The following PTK7 variants were observed in gnomAD, a reference collection of about 807,000 sequenced individuals.
PTK7 encodes inactive tyrosine-protein kinase 7.
PTK7 carries 39 observed loss-of-function variants against 116.6 expected under a neutral mutation model. The observed-to-expected ratio is 0.33, with a 90% CI of 0.26 to 0.44. The LOEUF (loss-of-function observed/expected upper bound fraction) is 0.44. PTK7 is among the 20% of genes least tolerant of loss of function. The probability of loss-of-function intolerance (pLI) is 1.00; values close to 1 mark genes in which losing one functional copy is unlikely to be tolerated. For missense variants in PTK7, 1,169 were observed against 1,425.6 expected, an observed-to-expected ratio of 0.82 and a Z score of 2.90; for synonymous variants, 546 against 563.6, an observed-to-expected ratio of 0.97 and a Z score of 0.44.
chr6:43,157,969 A>G (rs1345994427), intron 17 of PTK7, among the ~76,000 whole-genome samples: 1 of 151,868 alleles, frequency 6.6e-6, no homozygotes, highest in Non-Finnish European at 1.5e-5. Flanking sequence ...CAGGTGATCC[A>G]CCTGCCTTGG....
intron 1 of PTK7, among the ~76,000 whole-genome samples, chr6:43,115,193 T>C (rs1183993186): frequency 6.6e-6 from 1 of 151,880 alleles, no homozygotes; most frequent in Non-Finnish European, 1.5e-5. Context: ...TCTAAACAGC[T>C]GATTTTTTTT....
chr6:43,119,885 A>G (rs538875465), intron 1 of PTK7, among the ~76,000 whole-genome samples: 13 of 152,230 alleles, frequency 8.5e-5, no homozygotes, highest in East Asian at 3.9e-4. Flanking sequence ...CCCCTTGGCA[A>G]TTCTGTTCCA....
At chr6:43,108,260 A>G (rs1335152551) in intron 1 of PTK7, among the ~76,000 whole-genome samples, 1 of 151,622 alleles carries the variant, frequency 6.6e-6, no homozygotes, top group East Asian at 1.9e-4. Context: ...ATGCCTGGCT[A>G]ATTTTTGTAT....
At position 43,101,283 on chromosome 6, in the gene PTK7, T is replaced by C. The variant is rs532859825; in HGVS notation, c.79+24716T>C. ...GTGGAAAGAAAGAGGCTGGGCGCGG[T>C]GGCTCACGCCTGTAATCCCAGCACT... On this transcript the variant is annotated intron_variant, in intron 1 of 19. Coordinates refer to ENST00000230419, the MANE Select transcript of PTK7 (RefSeq NM_002821.5). Among the ~76,000 whole-genome samples, 498 of 150,672 alleles carry C rather than the reference T, an allele frequency of 3.3e-3. 2 individuals carry two copies. The highest frequency in any genetic ancestry group is 0.011 in the African/African-American group (466 of 41,010).
intron 1 of PTK7, among the ~76,000 whole-genome samples, chr6:43,114,587 C>T (rs1289993553): frequency 6.6e-6 from 1 of 151,976 alleles, no homozygotes; most frequent in East Asian, 1.9e-4. Flanking sequence ...ACTGAAAGAT[C>T]AAGGGAGTAG....
chr6:43,142,520 T>TGTGTGTG, intron 13 of PTK7: 2 of 710,320 alleles, frequency 2.8e-6, no homozygotes, highest in East Asian at 3.0e-5. Flanking sequence ...TGTGTGTGTG[T>TGTGTGTG]TGTGGGGGAG....
chr6:43,156,135 A>G (rs1414331210), intron 17 of PTK7, among the ~76,000 whole-genome samples: 1 of 148,870 alleles, frequency 6.7e-6, no homozygotes. Context: ...AGGCTGAGGC[A>G]CGAGAGTCAC....
At chr6:43,090,949 G>C (rs979329467) in intron 1 of PTK7, among the ~76,000 whole-genome samples, 1 of 152,066 alleles carries the variant, frequency 6.6e-6, no homozygotes, top group African/African-American at 2.4e-5. Flanking sequence ...GAAAGACCCT[G>C]ATTTTAGGGA....
chr6:43,096,990 A>AG (rs1404311882), intron 1 of PTK7, among the ~76,000 whole-genome samples: 2 of 152,236 alleles, frequency 1.3e-5, no homozygotes. Context: ...GCTCATTCAA[A>AG]GCTTGCTTAA....
chr6:43,093,919 C>G (rs1426880228), intron 1 of PTK7, among the ~76,000 whole-genome samples: 1 of 152,202 alleles, frequency 6.6e-6, no homozygotes, highest in East Asian at 1.9e-4. Flanking sequence ...CTGGCCACTT[C>G]ATGCAAATGT....
chr6:43,132,751 A>G (rs1469833920), intron 7 of PTK7, 64 bp downstream of exon 7: 7 of 1,547,898 alleles, frequency 4.5e-6, no homozygotes, highest in Non-Finnish European at 6.1e-6. Context: ...GGTGTGATGG[A>G]CAGAGGCTTC....
chr6:43,132,517 G>A lies in PTK7; in HGVS notation c.1058G>A (p.Ser353Asn). 7.4e-6 allele frequency: 12 copies of A among 1,612,698 alleles called. No individual in the cohort carries two copies. The highest frequency in any genetic ancestry group is 1.0e-5 in the Non-Finnish European group (12 of 1,179,064). ...CCCCCCAAGGGTCTGCCAGAGCCCAGCGTGTGGTGGGAGCACGCGGGAGTC... is the reference window on the plus strand; with the variant it reads ...CCCCCCAAGGGTCTGCCAGAGCCCAACGTGTGGTGGGAGCACGCGGGAGTC... Reference protein sequence around the residue: ...CLPPKGLPEPSVWWEHAGVRL... With the variant: ...CLPPKGLPEPNVWWEHAGVRL... Residue 353 changes from serine to asparagine, a missense_variant, in exon 7 of 20, where the codon AGC becomes AAC. This residue lies in a region of PTK7 where 487 missense variants were observed against 549.8 expected (regional missense o/e 0.89). Coordinates refer to ENST00000230419, the MANE Select transcript of PTK7 (RefSeq NM_002821.5).
At chr6:43,109,767 C>T (rs2150400880) in intron 1 of PTK7, among the ~76,000 whole-genome samples, 1 of 135,574 alleles carries the variant, frequency 7.4e-6, no homozygotes, top group East Asian at 2.4e-4. Flanking sequence ...GGCGTGATCT[C>T]AGCTCACTGC....
Position 43,139,601 on chromosome 6 carries a change from T to A in PTK7, c.1618+76T>A. 1.3e-6 allele frequency: 2 copies of A among 1,579,380 alleles called. No individual in the cohort carries two copies. Among genetic ancestry groups the A allele is most frequent in the Non-Finnish European group, 1.7e-6 (2 of 1,162,690 alleles). On this transcript the variant is annotated intron_variant, in intron 10 of 19. Transcript: ENST00000230419. The surrounding 1 kb of genome is among the most constrained non-coding windows in gnomAD (Gnocchi z 4.6). Reference sequence around the variant, plus strand: ...AGATACATACCTGAGGGCTGCTGGGTGCCCCGCACTGTGCCAGGAAATGTG... The same window carrying A: ...AGATACATACCTGAGGGCTGCTGGGAGCCCCGCACTGTGCCAGGAAATGTG...
chr6:43,111,567 T>G (rs1412848855), intron 1 of PTK7, among the ~76,000 whole-genome samples: 1 of 152,196 alleles, frequency 6.6e-6, no homozygotes, highest in African/African-American at 2.4e-5. Context: ...ACATAATACT[T>G]CCTATGTGCC....
At chr6:43,148,266 G>A (rs529159777) in intron 17 of PTK7, among the ~76,000 whole-genome samples, 21 of 151,852 alleles carry the variant, frequency 1.4e-4, no homozygotes, top group African/African-American at 2.7e-4. Flanking sequence ...GGGAGGGGAG[G>A]GGGGGAAAGG....
At chr6:43,122,408 A>G (rs1005141140) in intron 1 of PTK7, among the ~76,000 whole-genome samples, 13 of 150,840 alleles carry the variant, frequency 8.6e-5, no homozygotes, top group African/African-American at 3.2e-4. Context: ...TGGAACATTT[A>G]TGCTTCTCAG....
At position 43,139,234 on chromosome 6, in the gene PTK7, C is replaced by T. The variant is rs372585693; in HGVS notation, c.1461C>T (p.Ala487=). 134 of 1,614,088 alleles carry T rather than the reference C, an allele frequency of 8.3e-5. No individual in the cohort carries two copies. Among genetic ancestry groups the T allele is most frequent in the Non-Finnish European group, 1.0e-4 (119 of 1,180,038 alleles). ...ACCGTTGTATGAGCAGCACCCCAGC[C>T]GGCAGCATCGAGGCGCAAGCCCGTG... ...TWYRCMSSTP[A]GSIEAQARVQ... The change falls in exon 9 of 20, where the codon GCC becomes GCT. Residue 487 remains alanine (A), a synonymous_variant. Coordinates refer to ENST00000230419, the MANE Select transcript of PTK7 (RefSeq NM_002821.5). This position sits in a 1 kb window ranked among gnomAD's most constrained non-coding sequence, Gnocchi z 4.6.
At chr6:43,148,217 C>T (rs1770835357) in intron 17 of PTK7, among the ~76,000 whole-genome samples, 1 of 151,632 alleles carries the variant, frequency 6.6e-6, no homozygotes, top group Admixed American at 6.6e-5. Context: ...TACACCACTG[C>T]ACTCCAGCCT....
Sources: gnomAD v4.1 joint callset for allele counts (sites outside exome capture counted in the v4.1 genomes callset) on GRCh38, gnomAD v4.1.1 for gene constraint, gnomAD v4.1.1 regional missense constraint, Gnocchi (gnomAD v3.1) non-coding constraint, MANE v1.5 for transcripts, NCBI Gene and HGNC (gene_info 2026-07-23, HGNC 2026-07-21) for gene names.